Variants in TMEM266 observed in about 807,000 individuals in gnomAD.
The protein encoded by TMEM266 is Hv1 related protein 1.
In TMEM266, 33 loss-of-function variants were observed where a neutral mutation model predicts 50.5. That is an observed-to-expected ratio of 0.65 (90% CI 0.50 to 0.87). TMEM266 has a LOEUF of 0.87. TMEM266 is among the 40% of genes least tolerant of loss of function. The pLI is 0.00. For synonymous variants in TMEM266, 310 were observed against 292.3 expected (o/e 1.06, Z -0.62); for missense variants, 655 against 695.1 (o/e 0.94, Z 0.65).
At position 76,080,146 on chromosome 15, in the gene TMEM266, C is replaced by T. The variant is rs965950899; in HGVS notation, c.-97+20130C>T. Among the ~76,000 whole-genome samples the T allele has an allele frequency of 1.1e-4, 16 of 150,014 alleles. No individual in the cohort carries two copies. In the Admixed American group the frequency reaches 1.1e-3, roughly 10 times the overall value. On this transcript the variant is annotated intron_variant, in intron 1 of 10. Coordinates refer to ENST00000388942, the MANE Select transcript of TMEM266 (RefSeq NM_152335.3). ...CTTTGGGAGGCCAAGACGGGCAGAT[C>T]ACTTGAGGTCAGGAGTTTGAGACCA...
chr15:76,105,683 G>A (rs181525017), intron 1 of TMEM266, among the ~76,000 whole-genome samples: 21 of 152,340 alleles, frequency 1.4e-4, no homozygotes, highest in Middle Eastern at 3.4e-3. Context: ...GATTTGCCAA[G>A]CGCTGCTCAA....
chr15:76,095,473 C>T (rs1006333648), intron 1 of TMEM266, among the ~76,000 whole-genome samples: 1 of 152,126 alleles, frequency 6.6e-6, no homozygotes, highest in East Asian at 1.9e-4. Flanking sequence ...CCGACTTGAT[C>T]GTGGTAGATA....
At chr15:76,115,095 A>AC (rs2037228253) in intron 1 of TMEM266, among the ~76,000 whole-genome samples, 2 of 152,236 alleles carry the variant, frequency 1.3e-5, no homozygotes, top group Non-Finnish European at 2.9e-5. Flanking sequence ...ACATAGTGAG[A>AC]CCCCACCTCT....
chr15:76,109,711 CT>C (rs778661170), intron 1 of TMEM266, among the ~76,000 whole-genome samples: 17,595 of 138,010 alleles, frequency 0.13, 1,160 homozygotes, highest in Admixed American at 0.27. Flanking sequence ...TCTTTCTTTT[CT>C]TTTTTTTTTT....
At chr15:76,135,294 A>G (rs2037571408) in intron 2 of TMEM266, among the ~76,000 whole-genome samples, 1 of 152,120 alleles carries the variant, frequency 6.6e-6, no homozygotes, top group Admixed American at 6.5e-5. Flanking sequence ...GGCTAAATAT[A>G]GCCTATACAC....
intron 3 of TMEM266, among the ~76,000 whole-genome samples, chr15:76,141,208 T>C (rs1334317896): frequency 1.3e-5 from 2 of 151,632 alleles, no homozygotes; most frequent in Non-Finnish European, 2.9e-5. Flanking sequence ...CCAGCTACCC[T>C]GTCCAATGCC....
At chr15:76,071,652 C>T (rs1386260534) in intron 1 of TMEM266, among the ~76,000 whole-genome samples, 3 of 152,174 alleles carry the variant, frequency 2.0e-5, no homozygotes, top group East Asian at 3.8e-4. Context: ...ATGCTGTCAG[C>T]CAAGGGAGAG....
At chr15:76,095,926 T>C (rs1463406698) in intron 1 of TMEM266, among the ~76,000 whole-genome samples, 1 of 152,092 alleles carries the variant, frequency 6.6e-6, no homozygotes, top group Non-Finnish European at 1.5e-5. Context: ...TATTCTCTGA[T>C]GGTGGTAGTT....
chr15:76,202,515 A>G (rs955064040), intron 10 of TMEM266, among the ~76,000 whole-genome samples: 2 of 152,188 alleles, frequency 1.3e-5, no homozygotes, highest in Admixed American at 6.5e-5. Context: ...TAAGAACTGC[A>G]TGTGGAACCC....
Position 76,083,992 on chromosome 15 carries a change from T to A in TMEM266, c.-97+23976T>A, listed in dbSNP as rs374597174. Among the ~76,000 whole-genome samples the A allele has an allele frequency of 4.6e-5, 7 of 151,942 alleles. No homozygotes were observed. The East Asian group carries it at 7.7e-4, about 17-fold the overall frequency. ...GTAGCAGTTAACTTGGGGTGGGGGG[T>A]GATGTAATCAGTAACACTCCGAAAA... On this transcript the variant is annotated intron_variant, in intron 1 of 10. Transcript: ENST00000388942.
intron 3 of TMEM266, among the ~76,000 whole-genome samples, chr15:76,149,451 T>C (rs2037805278): frequency 6.6e-6 from 1 of 152,258 alleles, no homozygotes; most frequent in Non-Finnish European, 1.5e-5. Flanking sequence ...ATGCCTGGAA[T>C]GGAATGAATG....
chr15:76,070,136 A>G (rs1596083226), intron 1 of TMEM266, among the ~76,000 whole-genome samples: 1 of 152,308 alleles, frequency 6.6e-6, no homozygotes, highest in East Asian at 1.9e-4. Context: ...TAATAAGTCT[A>G]GAGGCAGAAA....
intron 9 of TMEM266, among the ~76,000 whole-genome samples, chr15:76,199,667 G>A (rs2038711394): frequency 6.6e-6 from 1 of 152,222 alleles, no homozygotes; most frequent in Non-Finnish European, 1.5e-5. Context: ...ACTTGGCACA[G>A]TCTATTCAAT....
intron 1 of TMEM266, among the ~76,000 whole-genome samples, chr15:76,102,853 A>AC (rs1228978827): frequency 4.0e-5 from 6 of 151,702 alleles, no homozygotes; most frequent in African/African-American, 1.5e-4. Flanking sequence ...AAAAAAAAAA[A>AC]AAAAAAACGG....
intron 1 of TMEM266, among the ~76,000 whole-genome samples, chr15:76,105,289 C>G (rs1263215277): frequency 1.3e-5 from 2 of 152,124 alleles, no homozygotes; most frequent in East Asian, 3.9e-4. Flanking sequence ...CACTTCACTA[C>G]CCCCTTGTGA....
At chr15:76,183,273 C>G (rs7176646) in intron 8 of TMEM266, among the ~76,000 whole-genome samples, 151,866 of 151,886 alleles carry the variant, frequency 1, 75,923 homozygotes, top group Middle Eastern at 1. Flanking sequence ...GTGTCACCAC[C>G]CCTGGCTAAT....
intron 8 of TMEM266, 57 bp from the exon 9 acceptor site, chr15:76,191,911 T>G: frequency 6.7e-7 from 1 of 1,482,434 alleles, no homozygotes; most frequent in Non-Finnish European, 8.9e-7. Flanking sequence ...GAGGTCAGGC[T>G]GGAGGCCCCC....
chr15:76,097,747 C>T (rs902836684), intron 1 of TMEM266, among the ~76,000 whole-genome samples: 1 of 151,994 alleles, frequency 6.6e-6, no homozygotes, highest in Non-Finnish European at 1.5e-5. Context: ...ACCAATCAAA[C>T]GTAGATTTGG....
chr15:76,087,518 A>G (rs1010720777), intron 1 of TMEM266, among the ~76,000 whole-genome samples: 1 of 152,298 alleles, frequency 6.6e-6, no homozygotes, highest in East Asian at 1.9e-4. Flanking sequence ...GGGCATCTAC[A>G]TGTCCAGTGG....
Sources: gnomAD v4.1 joint callset for allele counts (sites outside exome capture counted in the v4.1 genomes callset) on GRCh38, gnomAD v4.1.1 for gene constraint, MANE v1.5 for transcripts, NCBI Gene and HGNC (gene_info 2026-07-23, HGNC 2026-07-21) for gene names.